IMMP1L: variants seen among roughly 807,000 people sequenced by gnomAD.
IMMP1L encodes the protein inner mitochondrial membrane peptidase subunit 1.
Under a neutral mutation model 21.8 loss-of-function variants are expected in IMMP1L, and 24 were observed. The observed-to-expected ratio is 1.10, with a 90% CI of 0.80 to 1.55. The LOEUF is 1.55. Ranked by LOEUF, IMMP1L falls within the 40% of genes most tolerant of loss-of-function variation. The pLI, the probability that IMMP1L is intolerant of heterozygous loss-of-function variation, is 0.00. For synonymous variants in IMMP1L, 46 were observed against 62.8 expected (o/e 0.73, Z 1.26); for missense variants, 195 against 200.7 (o/e 0.97, Z 0.17).
intron 4 of IMMP1L, among the ~76,000 whole-genome samples, chr11:31,441,959 C>G (rs1953345200): frequency 6.6e-6 from 1 of 152,054 alleles, no homozygotes; most frequent in African/African-American, 2.4e-5. Context: ...ATTTTGTACT[C>G]TTGTAAATAT....
chr11:31,496,938 TATC>T (rs1479735030), intron 1 of IMMP1L, among the ~76,000 whole-genome samples: 3 of 148,142 alleles, frequency 2.0e-5, no homozygotes, highest in Non-Finnish European at 4.5e-5. Flanking sequence ...TACAATGATA[TATC>T]ATCTATTACG....
At chr11:31,433,413 T>C (rs1432595720) in intron 5 of IMMP1L, 47 bp downstream of exon 5, 6 of 1,124,686 alleles carry the variant, frequency 5.3e-6, no homozygotes, top group South Asian at 1.4e-5. Flanking sequence ...AGAGAAACTT[T>C]TTCTAGCTCA....
At chr11:31,468,339 T>A (rs1401916533) in intron 1 of IMMP1L, among the ~76,000 whole-genome samples, 1 of 152,160 alleles carries the variant, frequency 6.6e-6, no homozygotes, top group Non-Finnish European at 1.5e-5. Context: ...TTTCATATGG[T>A]TCACTTCTAC....
chr11:31,463,138 T>TA (rs1954207581), intron 2 of IMMP1L, 34 bp downstream of exon 2: 2 of 1,535,758 alleles, frequency 1.3e-6, no homozygotes, highest in African/African-American at 1.4e-5. Flanking sequence ...AAAGTATATA[T>TA]TTAAGATGAA....
intron 4 of IMMP1L, among the ~76,000 whole-genome samples, chr11:31,452,045 G>C (rs542346352): frequency 2.0e-5 from 3 of 152,210 alleles, no homozygotes; most frequent in Non-Finnish European, 4.4e-5. Flanking sequence ...GACAACAAGA[G>C]AAGTCATTAG....
chr11:31,450,212 A>C (rs952857526), intron 4 of IMMP1L, among the ~76,000 whole-genome samples: 2 of 152,208 alleles, frequency 1.3e-5, no homozygotes, highest in Non-Finnish European at 2.9e-5. Context: ...TCCAAAAGGC[A>C]CATGTATGAC....
chr11:31,436,599 A>G (rs985673701), intron 4 of IMMP1L, among the ~76,000 whole-genome samples: 4 of 151,732 alleles, frequency 2.6e-5, no homozygotes, highest in Non-Finnish European at 5.9e-5. Context: ...CACCCAGCTA[A>G]TTTTTCTATT....
chr11:31,468,121 T>A (rs1437256881), intron 1 of IMMP1L, among the ~76,000 whole-genome samples: 1 of 152,026 alleles, frequency 6.6e-6, no homozygotes, highest in Non-Finnish European at 1.5e-5. Context: ...AAACACAATA[T>A]GAAATCTTGA....
At chr11:31,484,981 G>T (rs1955025049) in intron 1 of IMMP1L, among the ~76,000 whole-genome samples, 1 of 151,792 alleles carries the variant, frequency 6.6e-6, no homozygotes, top group East Asian at 1.9e-4. Flanking sequence ...AATGTGCTGG[G>T]ATAGCAACTG....
At chr11:31,485,560 C>T (rs950630998) in intron 1 of IMMP1L, among the ~76,000 whole-genome samples, 1 of 151,870 alleles carries the variant, frequency 6.6e-6, no homozygotes, top group Non-Finnish European at 1.5e-5. Flanking sequence ...TGCTAGCACA[C>T]ATTCTCTACT....
Position 31,460,671 on chromosome 11 carries a change from A to G in IMMP1L, c.149T>C (p.Ile50Thr), listed in dbSNP as rs745957995. The change falls in exon 3 of 6, where the codon ATT becomes ACT. Residue 50 changes from isoleucine to threonine, a missense_variant. Transcript: ENST00000532287. Reference protein sequence around the residue: ...SMEPTIQNSDIVFAENLSRHF... With the variant: ...SMEPTIQNSDTVFAENLSRHF... ...TCGACTAAGATTTTCTGCAAAGACA[A>G]TATCTGAATTTTGAATTGTAGGCTC... is the stretch of plus-strand genomic sequence containing the variant. 3.7e-6 allele frequency: 6 copies of G among 1,611,692 alleles called. No individual in the cohort carries two copies. Among genetic ancestry groups the G allele is most frequent in the South Asian group, 1.1e-5 (1 of 90,962 alleles).
intron 1 of IMMP1L, among the ~76,000 whole-genome samples, chr11:31,480,165 G>T (rs1026102925): frequency 6.6e-6 from 1 of 151,870 alleles, no homozygotes; most frequent in Non-Finnish European, 1.5e-5. Flanking sequence ...ATCTAGAAAG[G>T]GATGAACTTT....
intron 1 of IMMP1L, chr11:31,477,175 A>T (rs538579061): frequency 6.6e-6 from 1 of 152,316 alleles, no homozygotes; most frequent in South Asian, 2.1e-4. Context: ...AGTCAAAAAC[A>T]GGTAAAACAT....
At chr11:31,453,154 T>C in intron 4 of IMMP1L, 1 of 1,253,774 alleles carries the variant, frequency 8.0e-7, no homozygotes, top group Non-Finnish European at 1.0e-6. Context: ...TTTAAAACTC[T>C]GGAATGGAAA....
chr11:31,471,589 T>C (rs1954552663), intron 1 of IMMP1L, among the ~76,000 whole-genome samples: 1 of 152,038 alleles, frequency 6.6e-6, no homozygotes, highest in South Asian at 2.1e-4. Flanking sequence ...TTCATAGAAG[T>C]TTAGTACTTC....
chr11:31,473,682 T>C (rs1334511514), intron 1 of IMMP1L: 9 of 877,260 alleles, frequency 1.0e-5, no homozygotes, highest in Non-Finnish European at 1.2e-5. Context: ...GGCATCCAAT[T>C]CTAAGATTCT....
At chr11:31,496,836 A>C (rs1955455402) in intron 1 of IMMP1L, among the ~76,000 whole-genome samples, 1 of 148,022 alleles carries the variant, frequency 6.8e-6, no homozygotes, top group African/African-American at 2.5e-5. Context: ...TATAATCTAT[A>C]ATTTTATATA....
intron 4 of IMMP1L, among the ~76,000 whole-genome samples, chr11:31,441,230 GTGA>G (rs1374271250): frequency 1.3e-5 from 2 of 151,666 alleles, no homozygotes; most frequent in East Asian, 3.9e-4. Context: ...AACCCTTTTG[GTGA>G]TGTTCATACT....
chr11:31,438,425 T>G (rs1269067969), intron 4 of IMMP1L, among the ~76,000 whole-genome samples: 2 of 152,150 alleles, frequency 1.3e-5, no homozygotes, highest in Non-Finnish European at 2.9e-5. Context: ...TTACCATGGA[T>G]ACAAGTCCTT....
Sources: gnomAD v4.1 joint callset for allele counts (sites outside exome capture counted in the v4.1 genomes callset) on GRCh38, gnomAD v4.1.1 for gene constraint, MANE v1.5 for transcripts, NCBI Gene and HGNC (gene_info 2026-07-23, HGNC 2026-07-21) for gene names.